Variants in DOCK10 observed in about 807,000 individuals in gnomAD.
DOCK10 encodes the protein dedicator of cytokinesis protein 10.
In DOCK10, 145 loss-of-function variants were observed where a neutral mutation model predicts 280.1. The ratio of observed to expected loss-of-function variants is 0.52; its 90% CI spans 0.45 to 0.59. The LOEUF (loss-of-function observed/expected upper bound fraction) is 0.59. Ranked by LOEUF, DOCK10 falls within the 20% of genes least tolerant of loss-of-function variation. The pLI, the probability that DOCK10 is intolerant of heterozygous loss-of-function variation, is 0.00. For synonymous variants in DOCK10, 915 were observed against 942.2 expected, an observed-to-expected ratio of 0.97 and a Z score of 0.53; for missense variants, 2,368 against 2,651.7, an observed-to-expected ratio of 0.89 and a Z score of 2.35.
rs141311371 is a variant in DOCK10 at position 224,769,984 on chromosome 2, T to C, written c.6444+227A>G. On this transcript the variant is annotated intron_variant, in intron 55 of 55. Transcript: ENST00000258390. ...GAAAACCCAGGGTTCATTTGGACTG[T>C]GGAAAGTATCTAGGTTCTCATAATC... 3.3e-3 allele frequency among the ~76,000 whole-genome samples: 495 copies of C among 152,302 alleles called. 2 individuals carry two copies. Among genetic ancestry groups the C allele is most frequent in the Middle Eastern group, 0.01 (3 of 294 alleles).
intron 1 of DOCK10, among the ~76,000 whole-genome samples, chr2:225,040,875 GTTTGTC>G (rs1159695140): frequency 1.3e-5 from 2 of 152,178 alleles, no homozygotes; most frequent in Non-Finnish European, 2.9e-5. Context: ...CTTTTGAACA[GTTTGTC>G]TTTGGTGTCC....
At chr2:224,886,893 C>CCCCCCCCCA (rs550630549) in intron 4 of DOCK10, among the ~76,000 whole-genome samples, 1 of 149,400 alleles carries the variant, frequency 6.7e-6, no homozygotes, top group South Asian at 2.1e-4. Flanking sequence ...CCAACACCCC[C>CCCCCCCCCA]CCAAGTAGTA....
rs1448938953 is a variant in DOCK10 at position 224,773,192 on chromosome 2, G to C, written c.6169C>G (p.Leu2057Val). The change falls in exon 53 of 56, where the codon CTG becomes GTG. Residue 2057 changes from leucine to valine, a missense_variant. This residue lies in a region of DOCK10 where 1,159 missense variants were observed against 1,400.8 expected (regional missense o/e 0.83). Transcript: ENST00000258390. ...ACACTTCCTTGCAGTTTGAGCTGCA[G>C]TCTGATCATGTCCACTTCTTCCATT... ...CTMEEVDMIR[L>V]QLKLQGSVSV... 3.1e-6 allele frequency: 5 copies of C among 1,613,786 alleles called. No homozygotes were observed. The highest frequency in any genetic ancestry group is 1.1e-5 in the South Asian group (1 of 91,060).
chr2:224,767,967 G>A (rs571232595), intron 55 of DOCK10, among the ~76,000 whole-genome samples: 116 of 151,310 alleles, frequency 7.7e-4, no homozygotes, highest in African/African-American at 2.5e-3. Context: ...AGGCTGGAGT[G>A]CAGTGGTGTG....
chr2:224,830,920 T>TTTTTTTTATTTATTTATTTA (rs1695184509), intron 26 of DOCK10, among the ~76,000 whole-genome samples: 1 of 148,534 alleles, frequency 6.7e-6, no homozygotes. Flanking sequence ...CTAAACAAAC[T>TTTTTTTTATTTATTTATTTA]TTTATTTATT....
chr2:224,932,357 A>T (rs1274138511), intron 1 of DOCK10, among the ~76,000 whole-genome samples: 1 of 152,222 alleles, frequency 6.6e-6, no homozygotes, highest in Non-Finnish European at 1.5e-5. Context: ...GAAGCCCCTC[A>T]TAGTGCCAAA....
At chr2:224,964,590 G>T (rs1421538331) in intron 1 of DOCK10, among the ~76,000 whole-genome samples, 1 of 151,716 alleles carries the variant, frequency 6.6e-6, no homozygotes, top group Non-Finnish European at 1.5e-5. Context: ...CTGCAGCCTC[G>T]AACTCCTGGG....
intron 1 of DOCK10, among the ~76,000 whole-genome samples, chr2:225,002,468 C>T (rs949248684): frequency 6.6e-6 from 1 of 152,168 alleles, no homozygotes; most frequent in Non-Finnish European, 1.5e-5. Flanking sequence ...AAGCCTGATT[C>T]CACCTCTTAG....
rs562907359 is a variant in DOCK10, at chr2:224,845,185, T to C, written c.2481+18A>G. 16 of 1,558,236 alleles carry C rather than the reference T, an allele frequency of 1.0e-5. No individual in the cohort carries two copies. In the African/African-American group the frequency reaches 2.2e-4, roughly 21 times the overall value. On this transcript the variant is annotated intron_variant, in intron 21 of 55. Transcript: ENST00000258390. ...TGGTGTGCTTTTTTAAAATCTTAAA[T>C]TACACATTATTCAATACCTTTCCAC...
intron 3 of DOCK10, among the ~76,000 whole-genome samples, chr2:224,912,879 A>G (rs1432633261): frequency 1.3e-5 from 2 of 152,064 alleles, no homozygotes; most frequent in Non-Finnish European, 2.9e-5. Flanking sequence ...TACAAAAGTT[A>G]GCCAGGCATG....
intron 42 of DOCK10, 55 bp downstream of exon 42, chr2:224,797,777 T>G: frequency 6.4e-7 from 1 of 1,570,348 alleles, no homozygotes; most frequent in Non-Finnish European, 8.7e-7. Context: ...GGTTTACTAT[T>G]CTATGGGTTT....
chr2:224,813,869 A>G (rs1487958696), intron 31 of DOCK10, among the ~76,000 whole-genome samples: 1 of 152,224 alleles, frequency 6.6e-6, no homozygotes, highest in African/African-American at 2.4e-5. Context: ...CTATGACTAC[A>G]GAAAAGGTTT....
chr2:224,884,963 G>A (rs1559654067), intron 7 of DOCK10, among the ~76,000 whole-genome samples: 2 of 151,910 alleles, frequency 1.3e-5, no homozygotes, highest in Non-Finnish European at 2.9e-5. Flanking sequence ...CCTGCCGCAG[G>A]GCCTTTGAAC....
Position 224,808,145 on chromosome 2 carries a change from G to A in DOCK10, c.3410-59C>T, listed in dbSNP as rs1463760640. The A allele has an allele frequency of 1.4e-6, 2 of 1,472,936 alleles. 1 individual carries two copies. Among genetic ancestry groups the A allele is most frequent in the Admixed American group, 3.9e-5 (2 of 51,948 alleles). The allele number at this position is 1,472,936 out of a possible 1,614,324, so 91.2% of individuals were successfully genotyped here. On this transcript the variant is annotated intron_variant, in intron 31 of 55. Coordinates refer to ENST00000258390, the MANE Select transcript of DOCK10 (RefSeq NM_014689.3). The stretch of plus-strand genomic sequence containing the variant: ...AAAATCAAATGATCACTTTATAATT[G>A]AGACAGATATACCAAACAACTACCA...
At chr2:224,809,252 CAT>C (rs1477197280) in intron 31 of DOCK10, among the ~76,000 whole-genome samples, 1 of 152,058 alleles carries the variant, frequency 6.6e-6, no homozygotes, top group Non-Finnish European at 1.5e-5. Flanking sequence ...TACAAGAAAA[CAT>C]AGGGAGAAAG....
chr2:224,965,920 G>T (rs571354907), intron 1 of DOCK10, among the ~76,000 whole-genome samples: 2 of 152,098 alleles, frequency 1.3e-5, no homozygotes, highest in Non-Finnish European at 2.9e-5. Flanking sequence ...ATTCAACCAC[G>T]TCTCTTATAT....
intron 45 of DOCK10, among the ~76,000 whole-genome samples, chr2:224,794,534 GAGA>G (rs943668687): frequency 3.3e-5 from 5 of 152,180 alleles, no homozygotes; most frequent in African/African-American, 9.7e-5. Context: ...TCTAGTTGCA[GAGA>G]AGAAGTTTTA....
Position 224,885,828 on chromosome 2 carries a change from G to A in DOCK10, c.613-23C>T, listed in dbSNP as rs1460144366. 2.5e-6 allele frequency: 4 copies of A among 1,606,248 alleles called. 1 individual carries two copies. The Admixed American group carries it at 6.8e-5, about 27-fold the overall frequency. ...TGACTAAATAAAGGAAAAGATATAA[G>A]GAGATATTCAAATTGTAATGTGCTA... is the stretch of plus-strand genomic sequence containing the variant. On this transcript the variant is annotated intron_variant, in intron 6 of 55. Transcript: ENST00000258390.
At chr2:225,019,836 A>C (rs1438744637) in intron 1 of DOCK10, among the ~76,000 whole-genome samples, 1 of 152,216 alleles carries the variant, frequency 6.6e-6, no homozygotes, top group East Asian at 1.9e-4. Flanking sequence ...TCTTAAGTTA[A>C]AAATCAGACG....
Sources: allele counts gnomAD v4.1 joint callset (sites outside exome capture counted in the v4.1 genomes callset), GRCh38; gene constraint gnomAD v4.1.1; regional missense constraint gnomAD v4.1.1; transcripts MANE v1.5; gene names NCBI Gene and HGNC (gene_info 2026-07-23, HGNC 2026-07-21).